Variants in POLR3E observed in about 807,000 individuals in gnomAD.
POLR3E encodes DNA-directed RNA polymerase III subunit RPC5.
POLR3E carries 41 observed loss-of-function variants against 96.6 expected under a neutral mutation model. The ratio of observed to expected loss-of-function variants is 0.42; its 90% CI spans 0.33 to 0.55. The LOEUF (loss-of-function observed/expected upper bound fraction) is 0.55. Ranked by LOEUF, POLR3E falls within the 20% of genes least tolerant of loss-of-function variation. POLR3E has a pLI of 0.06. For synonymous variants in POLR3E, 396 were observed against 383.6 expected (o/e 1.03, Z -0.38); for missense variants, 849 against 952.1 (o/e 0.89, Z 1.43).
chr16:22,302,332 G>A (rs961932718), intron 1 of POLR3E: 4 of 152,274 alleles, frequency 2.6e-5, no homozygotes, highest in African/African-American at 9.7e-5. Context: ...CTGAGTTCCA[G>A]TCTGTTCATT....
At position 22,318,994 on chromosome 16, in the gene POLR3E, G is replaced by T. The variant is rs1424646672; in HGVS notation, c.986+48G>T. 7.1e-7 allele frequency: 1 copy of T among 1,415,194 alleles called. No individual in the cohort carries two copies. The highest frequency in any genetic ancestry group is 2.0e-5 in the Admixed American group (1 of 50,542). The allele number at this position is 1,415,194 out of a possible 1,614,324, so 87.7% of individuals were successfully genotyped here. Reference sequence around the variant, plus strand: ...TATTTTTATTTATTTTTTTCCTTGAGGCAGAGCTTCACTCTTGTTGCCCAG... The same window carrying T: ...TATTTTTATTTATTTTTTTCCTTGATGCAGAGCTTCACTCTTGTTGCCCAG... On this transcript the variant is annotated intron_variant, in intron 13 of 20. Coordinates refer to ENST00000299853, the MANE Select transcript of POLR3E (RefSeq NM_018119.4). The surrounding 1 kb of genome is among the most constrained non-coding windows in gnomAD (Gnocchi z 5.0).
intron 5 of POLR3E, 119 bp from the exon 6 acceptor site, chr16:22,309,309 C>A: frequency 1.2e-6 from 1 of 831,310 alleles, no homozygotes; most frequent in Non-Finnish European, 2.1e-6. Flanking sequence ...GGCTGCCCTG[C>A]GGCCTTGGTC....
At chr16:22,299,697 AG>A (rs1467948050) in intron 1 of POLR3E, among the ~76,000 whole-genome samples, 3 of 151,946 alleles carry the variant, frequency 2.0e-5, no homozygotes, top group African/African-American at 7.3e-5. Flanking sequence ...TACAGGTGTG[AG>A]CCACCGTGCC....
In POLR3E at chr16:22,325,815, C is replaced by T; in HGVS notation, c.1403C>T (p.Ala468Val). The change falls in exon 18 of 21, where the codon GCC becomes GTC. Residue 468 changes from alanine (A) to valine (V), a missense_variant. Physicochemically the swap from Ala to Val is moderately conservative, Grantham distance 64. Transcript: ENST00000299853. ...CGGATCCAAGTAGCCAAAACCAAGG[C>T]CCAGCAGAACCACGCGTTGCTGGAG... is the stretch of plus-strand genomic sequence containing the variant. ...DQRIQVAKTK[A>V]QQNHALLERE... is the part of the protein sequence containing the mutation. The T allele has an allele frequency of 6.2e-7, 1 of 1,606,900 alleles. No homozygotes were observed. Among genetic ancestry groups the T allele is most frequent in the South Asian group, 1.1e-5 (1 of 89,874 alleles).
intron 19 of POLR3E, chr16:22,329,096 A>T (rs1183835841): frequency 6.0e-6 from 1 of 166,568 alleles, no homozygotes; most frequent in African/African-American, 2.4e-5. Context: ...AGAAAGAAAA[A>T]AAAAAAAAAC....
Position 22,318,782 on chromosome 16 carries a change from C to T in POLR3E, c.866-44C>T, listed in dbSNP as rs771562096. 49 of 1,587,840 alleles carry T rather than the reference C, an allele frequency of 3.1e-5. No individual in the cohort carries two copies. The highest frequency in any genetic ancestry group is 4.0e-5 in the Non-Finnish European group (46 of 1,163,856). On this transcript the variant is annotated intron_variant, in intron 12 of 20. Transcript: ENST00000299853. The surrounding 1 kb of genome is among the most constrained non-coding windows in gnomAD (Gnocchi z 5.0). Reference sequence around the variant, plus strand: ...ACTCTCGGTGGAGGGGAGGGAAGGGCCCGGCCCCTCTTCCTTGTCTGATGT... The same window carrying T: ...ACTCTCGGTGGAGGGGAGGGAAGGGTCCGGCCCCTCTTCCTTGTCTGATGT...
intron 1 of POLR3E, among the ~76,000 whole-genome samples, chr16:22,302,054 A>G (rs2048034285): frequency 2.7e-5 from 4 of 150,704 alleles, no homozygotes; most frequent in Admixed American, 2.6e-4. Flanking sequence ...GTGAAGGGGC[A>G]GACCAGCTGA....
At position 22,324,529 on chromosome 16, in the gene POLR3E, C is replaced by A; in HGVS notation, c.1155C>A (p.Phe385Leu). Residue 385 changes from phenylalanine (F) to leucine (L), a missense_variant, in exon 16 of 21, where the codon TTC (phenylalanine) becomes TTA (leucine). By Grantham distance (22) the Phe-to-Leu change is conservative. Coordinates refer to ENST00000299853, the MANE Select transcript of POLR3E (RefSeq NM_018119.4). Reference protein sequence around the residue: ...TKLCAEDVKDFLEHMAVVRIN... With the variant: ...TKLCAEDVKDLLEHMAVVRIN... ...TCTGCGCCGAGGATGTGAAGGACTT[C>A]CTGGAGCACATGGCCGTGGTGAGGA... 1 of 1,612,390 alleles carries A rather than the reference C, an allele frequency of 6.2e-7. No homozygotes were observed. Among genetic ancestry groups the A allele is most frequent in the East Asian group, 2.2e-5 (1 of 44,472 alleles).
At chr16:22,303,639 C>CTTTTTTTTTTTTT (rs58949663) in intron 2 of POLR3E, among the ~76,000 whole-genome samples, 13 of 114,228 alleles carry the variant, frequency 1.1e-4, no homozygotes, top group African/African-American at 6.2e-4. Flanking sequence ...GCAGATTTCC[C>CTTTTTTTTTTTTT]TTTTTTTTTT....
intron 13 of POLR3E, among the ~76,000 whole-genome samples, chr16:22,321,852 G>A (rs1351376033): frequency 6.6e-6 from 1 of 152,240 alleles, no homozygotes; most frequent in East Asian, 1.9e-4. Flanking sequence ...ATGCTGCCAT[G>A]TCAGGGGCCC....
intron 8 of POLR3E, 50 bp from the exon 9 acceptor site, chr16:22,315,039 A>G: frequency 1.3e-6 from 2 of 1,599,528 alleles, no homozygotes; most frequent in Non-Finnish European, 1.7e-6. Context: ...ACGGCAGTCC[A>G]GCAAGGGTCA....
At chr16:22,301,924 G>GAA (rs60618622) in intron 1 of POLR3E, among the ~76,000 whole-genome samples, 22 of 119,556 alleles carry the variant, frequency 1.8e-4, no homozygotes, top group East Asian at 9.2e-4. Flanking sequence ...TCCGTCTCAA[G>GAA]AAAAAAAAAA....
chr16:22,327,723 G>C (rs543990634), intron 18 of POLR3E: 39 of 152,372 alleles, frequency 2.6e-4, no homozygotes, highest in African/African-American at 8.4e-4. Context: ...AACTTGACTT[G>C]AACTCCTGGT....
chr16:22,308,415 C>T (rs958530509), intron 4 of POLR3E, 190 bp downstream of exon 4: 13 of 589,626 alleles, frequency 2.2e-5, no homozygotes, highest in African/African-American at 1.7e-4. Context: ...AGGCCAGGGA[C>T]GCATGAGGCT....
chr16:22,317,197 A>T lies in POLR3E; in HGVS notation c.856A>T (p.Met286Leu). The change falls in exon 12 of 21, where the codon ATG becomes TTG. Residue 286 changes from methionine (M) to leucine (L), a missense_variant. Physicochemically the swap from Met to Leu is conservative, Grantham distance 15 (BLOSUM62 2). Coordinates refer to ENST00000299853, the MANE Select transcript of POLR3E (RefSeq NM_018119.4). ...LPLADQIKILMKNVKVMPFAN... is the reference protein window; with the variant it reads ...LPLADQIKILLKNVKVMPFAN... ...CCTGGCCGATCAGATCAAGATCCTG[A>T]TGAAGAATGGTGGGTGCCTACCCCC... The T allele has an allele frequency of 6.2e-7, 1 of 1,612,244 alleles. No individual in the cohort carries two copies.
chr16:22,314,580 AT>A (rs762382107), intron 8 of POLR3E, among the ~76,000 whole-genome samples: 1 of 152,170 alleles, frequency 6.6e-6, no homozygotes, highest in Non-Finnish European at 1.5e-5. Flanking sequence ...ATTTAAGCAT[AT>A]TTAGATTAAA....
At chr16:22,311,930 A>G (rs940818008) in intron 6 of POLR3E, among the ~76,000 whole-genome samples, 1 of 152,194 alleles carries the variant, frequency 6.6e-6, no homozygotes, top group Admixed American at 6.5e-5. Flanking sequence ...AGGCTCTGCT[A>G]TCTGGGTTTC....
chr16:22,331,886 T>C, intron 19 of POLR3E, 174 bp from the exon 20 acceptor site: 1 of 601,070 alleles, frequency 1.7e-6, no homozygotes, highest in Admixed American at 3.1e-5. Flanking sequence ...TTCTGTACAC[T>C]GTCTTGCTGG....
chr16:22,309,130 G>A (rs540185149), intron 5 of POLR3E, 90 bp downstream of exon 5: 155 of 874,750 alleles, frequency 1.8e-4, no homozygotes, highest in Middle Eastern at 6.7e-4. Context: ...CCTTTGCCCC[G>A]TCACTGGGCT....
Sources: gnomAD v4.1 joint callset for allele counts (sites outside exome capture counted in the v4.1 genomes callset) on GRCh38, gnomAD v4.1.1 for gene constraint, Gnocchi (gnomAD v3.1) non-coding constraint, MANE v1.5 for transcripts, NCBI Gene and HGNC (gene_info 2026-07-23, HGNC 2026-07-21) for gene names.